The following HHAT variants were observed in gnomAD, a reference collection of about 807,000 sequenced individuals.
HHAT encodes the protein protein-cysteine N-palmitoyltransferase HHAT.
A neutral mutation model predicts 70.8 loss-of-function variants in HHAT; 47 were observed. The ratio of observed to expected loss-of-function variants is 0.66; its 90% CI spans 0.53 to 0.85. The LOEUF is 0.85. Ranked by LOEUF, HHAT falls within the 40% of genes least tolerant of loss-of-function variation. The probability of loss-of-function intolerance (pLI) is 0.00; values close to 1 mark genes in which losing one functional copy is unlikely to be tolerated. For synonymous variants in HHAT, 228 were observed against 247.6 expected, an observed-to-expected ratio of 0.92 and a Z score of 0.74; for missense variants, 609 against 604.8, an observed-to-expected ratio of 1.01 and a Z score of -0.07.
chr1:210,457,365 A>G (rs953239817), intron 7 of HHAT, among the ~76,000 whole-genome samples: 2 of 152,228 alleles, frequency 1.3e-5, no homozygotes, highest in African/African-American at 4.8e-5. Flanking sequence ...TCTTGAAGCT[A>G]CAAAGCTTTA....
intron 6 of HHAT, among the ~76,000 whole-genome samples, chr1:210,408,300 A>T (rs1268812442): frequency 6.6e-6 from 1 of 152,098 alleles, no homozygotes; most frequent in Non-Finnish European, 1.5e-5. Flanking sequence ...CTTGTGCCTC[A>T]GCCTCCCAAG....
intron 11 of HHAT, among the ~76,000 whole-genome samples, chr1:210,654,981 A>G (rs1349613505): frequency 6.6e-6 from 1 of 152,222 alleles, no homozygotes. Context: ...CTTTAGAGGA[A>G]TCAGAGAAAG....
intron 9 of HHAT, among the ~76,000 whole-genome samples, chr1:210,530,984 T>G (rs1316088391): frequency 6.6e-6 from 1 of 152,210 alleles, no homozygotes; most frequent in Non-Finnish European, 1.5e-5. Context: ...TTCTGAGAAA[T>G]GCATTGTTAG....
At chr1:210,470,926 G>C (rs981493995) in intron 8 of HHAT, among the ~76,000 whole-genome samples, 6 of 152,156 alleles carry the variant, frequency 3.9e-5, no homozygotes, top group African/African-American at 1.4e-4. Context: ...CTGGAACCCT[G>C]TACCTTTCAT....
Position 210,425,705 on chromosome 1 carries a change from G to T in HHAT, c.856+7380G>T, listed in dbSNP as rs145197982. On this transcript the variant is annotated intron_variant, in intron 7 of 11. Transcript: ENST00000261458. ...ATTCTGTTTTGTCAGTCTATGTGTC[G>T]GTTTCTGTATCAGTATCATGCTGTT... Among the ~76,000 whole-genome samples the T allele has an allele frequency of 3.4e-3, 517 of 151,900 alleles. 1 individual carries two copies. Among genetic ancestry groups the T allele is most frequent in the African/African-American group, 0.012 (481 of 41,464 alleles).
chr1:210,589,596 C>G (rs1661216550), intron 10 of HHAT: 2 of 152,260 alleles, frequency 1.3e-5, no homozygotes, highest in African/African-American at 4.8e-5. Context: ...TGTGCTCTTT[C>G]ATGAAGCAAG....
At chr1:210,541,280 T>C (rs2095428410) in intron 9 of HHAT, among the ~76,000 whole-genome samples, 1 of 152,208 alleles carries the variant, frequency 6.6e-6, no homozygotes, top group Admixed American at 6.5e-5. Context: ...TGGAGTATCA[T>C]GTTTAGCCAC....
In HHAT at chr1:210,362,846, G is replaced by C; in HGVS notation, c.92-6G>C. ...TGACTAACGAAGACTTTTTTTTTTT[G>C]GTCAGAACACGAAGAGGAGCTGGAC... On this transcript the variant is annotated splice_region_variant and splice_polypyrimidine_tract_variant and intron_variant, in intron 2 of 11. Coordinates refer to ENST00000261458, the MANE Select transcript of HHAT (RefSeq NM_018194.6). 1.3e-6 allele frequency: 2 copies of C among 1,575,626 alleles called. No individual in the cohort carries two copies. Among genetic ancestry groups the C allele is most frequent in the East Asian group, 2.3e-5 (1 of 44,418 alleles).
At chr1:210,623,746 G>C in intron 11 of HHAT, 76 bp downstream of exon 11, 1 of 1,451,096 alleles carries the variant, frequency 6.9e-7, no homozygotes, top group Non-Finnish European at 9.5e-7. Context: ...ACATGGGATG[G>C]ATGGGATTTG....
chr1:210,386,217 C>CTTTTCTTT (rs1558409088), intron 3 of HHAT, among the ~76,000 whole-genome samples: 3 of 119,312 alleles, frequency 2.5e-5, no homozygotes, highest in East Asian at 2.4e-4. Context: ...TGCAGGAGTC[C>CTTTTCTTT]TTTTCTTTTT....
chr1:210,623,800 A>T, intron 11 of HHAT, 130 bp downstream of exon 11: 1 of 961,570 alleles, frequency 1.0e-6, no homozygotes, highest in Non-Finnish European at 1.5e-6. Flanking sequence ...TGACCTCTAA[A>T]GTACCAGCCA....
intron 7 of HHAT, among the ~76,000 whole-genome samples, chr1:210,426,719 T>C (rs2093073487): frequency 6.6e-6 from 1 of 152,224 alleles, no homozygotes; most frequent in Admixed American, 6.5e-5. Flanking sequence ...ATAAGCTTTT[T>C]AGTGTGGTGG....
chr1:210,347,530 G>A (rs2086628951), intron 1 of HHAT, among the ~76,000 whole-genome samples: 1 of 152,180 alleles, frequency 6.6e-6, no homozygotes, highest in African/African-American at 2.4e-5. Context: ...GGCCATAAAT[G>A]CGTTTAAATT....
At chr1:210,400,766 C>A in intron 5 of HHAT, 104 bp downstream of exon 5, 1 of 1,056,350 alleles carries the variant, frequency 9.5e-7, no homozygotes, top group Admixed American at 2.6e-5. Flanking sequence ...GATTGTAGAA[C>A]TGTGATGGGG....
At chr1:210,484,825 G>A (rs1179863573) in intron 8 of HHAT, among the ~76,000 whole-genome samples, 2 of 152,108 alleles carry the variant, frequency 1.3e-5, no homozygotes, top group African/African-American at 2.4e-5. Flanking sequence ...CATTGTCTCA[G>A]TCTTAGCCAA....
At position 210,506,788 on chromosome 1, in the gene HHAT, G is replaced by A. The variant is rs557351734; in HGVS notation, c.1008-6365G>A. 4.6e-5 allele frequency among the ~76,000 whole-genome samples: 7 copies of A among 152,262 alleles called. No individual in the cohort carries two copies. In the East Asian group the frequency reaches 1.2e-3, roughly 25 times the overall value. ...ATGCTAAGTGCCAGAGCAGACAGAA[G>A]CATTGGTACCTTATTACAGGCCTAT... On this transcript the variant is annotated intron_variant, in intron 8 of 11. Transcript: ENST00000261458.
At chr1:210,628,346 C>T (rs553377266) in intron 11 of HHAT, among the ~76,000 whole-genome samples, 4 of 152,116 alleles carry the variant, frequency 2.6e-5, no homozygotes, top group African/African-American at 9.6e-5. Context: ...AAAAGGAAAA[C>T]CAAAACATTT....
intron 10 of HHAT, among the ~76,000 whole-genome samples, chr1:210,607,696 G>T (rs924247621): frequency 4.6e-5 from 7 of 151,912 alleles, no homozygotes; most frequent in Non-Finnish European, 5.9e-5. Flanking sequence ...CAGGGTCTAG[G>T]GTCATTTAGT....
At chr1:210,630,475 A>G (rs1670649323) in intron 11 of HHAT, among the ~76,000 whole-genome samples, 1 of 152,228 alleles carries the variant, frequency 6.6e-6, no homozygotes, top group Admixed American at 6.5e-5. Context: ...TCTCCCTGTC[A>G]AAAGAAATAA....
Sources: gnomAD v4.1 joint callset for allele counts (sites outside exome capture counted in the v4.1 genomes callset) on GRCh38, gnomAD v4.1.1 for gene constraint, MANE v1.5 for transcripts, NCBI Gene and HGNC (gene_info 2026-07-23, HGNC 2026-07-21) for gene names.